Variants in CDK13 observed in about 807,000 individuals in gnomAD.
CDK13 encodes the protein cyclin-dependent kinase 13.
Under a neutral mutation model 137.6 loss-of-function variants are expected in CDK13, and 40 were observed. That is an observed-to-expected ratio of 0.29 (90% CI 0.23 to 0.38). CDK13 has a LOEUF of 0.38. Among genes scored for constraint, CDK13 ranks in the 10% least tolerant of loss-of-function variants. The pLI, the probability that CDK13 is intolerant of heterozygous loss-of-function variation, is 1.00. For synonymous variants in CDK13, 869 were observed against 760.1 expected (o/e 1.14, Z -2.36); for missense variants, 1,704 against 1,951.8 (o/e 0.87, Z 2.39).
At chr7:40,072,430 A>G (rs1437381557) in intron 9 of CDK13, 2 of 152,172 alleles carry the variant, frequency 1.3e-5, no homozygotes, top group Non-Finnish European at 2.9e-5. Context: ...CTCACTTAAC[A>G]AGTACATTCT....
intron 11 of CDK13, among the ~76,000 whole-genome samples, chr7:40,084,275 T>G (rs919993709): frequency 6.6e-6 from 1 of 152,110 alleles, no homozygotes; most frequent in Non-Finnish European, 1.5e-5. Flanking sequence ...GGTCAAGAGA[T>G]TGATACCATC....
chr7:40,056,732 G>A (rs537450691), intron 7 of CDK13, among the ~76,000 whole-genome samples: 1 of 152,222 alleles, frequency 6.6e-6, no homozygotes, highest in African/African-American at 2.4e-5. Flanking sequence ...GGCACAGGTA[G>A]TGGAAAGACA....
At chr7:40,041,889 G>C (rs1481573721) in intron 5 of CDK13, among the ~76,000 whole-genome samples, 1 of 152,144 alleles carries the variant, frequency 6.6e-6, no homozygotes, top group African/African-American at 2.4e-5. Flanking sequence ...CATGCTTACA[G>C]CTAAATCTTT....
At chr7:40,013,415 C>T (rs959690146) in intron 5 of CDK13, among the ~76,000 whole-genome samples, 26 of 152,014 alleles carry the variant, frequency 1.7e-4, no homozygotes, top group African/African-American at 4.4e-4. Flanking sequence ...GTGTGTATTT[C>T]GCCACAATTT....
intron 5 of CDK13, among the ~76,000 whole-genome samples, chr7:40,018,501 C>T (rs1262581804): frequency 6.6e-6 from 1 of 152,014 alleles, no homozygotes; most frequent in African/African-American, 2.4e-5. Context: ...AGATATGGAA[C>T]CAACCTAAGT....
chr7:40,055,412 ATTTG>A (rs1223219977), intron 7 of CDK13, among the ~76,000 whole-genome samples: 1 of 152,098 alleles, frequency 6.6e-6, no homozygotes, highest in East Asian at 1.9e-4. Flanking sequence ...CAAGAATGTA[ATTTG>A]TTTTTTAATC....
At chr7:40,047,631 C>T (rs537565963) in intron 6 of CDK13, among the ~76,000 whole-genome samples, 190 bp from the exon 7 acceptor site, 3 of 151,320 alleles carry the variant, frequency 2.0e-5, no homozygotes, top group Non-Finnish European at 4.4e-5. Flanking sequence ...GGATAGTTTA[C>T]TTTCTTGTTT....
In CDK13 at chr7:40,029,638, A is replaced by C. The variant is rs555449277; in HGVS notation, c.2354-16198A>C. Among the ~76,000 whole-genome samples the C allele has an allele frequency of 5.9e-5, 9 of 151,296 alleles. No homozygotes were observed. In the South Asian group the frequency reaches 1.9e-3, roughly 32 times the overall value. On this transcript the variant is annotated intron_variant, in intron 5 of 13. Coordinates refer to ENST00000181839, the MANE Select transcript of CDK13 (RefSeq NM_003718.5). ...GGGAGGCTGAGAGAGAGAGAGAGAG[A>C]GAGAAAAGATTCTTTTTTTTTTTCT...
intron 5 of CDK13, among the ~76,000 whole-genome samples, chr7:40,033,664 A>T (rs1400733047): frequency 6.6e-6 from 1 of 152,132 alleles, no homozygotes; most frequent in Non-Finnish European, 1.5e-5. Context: ...TTCTTCTTAA[A>T]TAAGGTCTGA....
intron 1 of CDK13, among the ~76,000 whole-genome samples, chr7:39,977,791 C>T (rs1198730802): frequency 6.6e-6 from 1 of 151,918 alleles, no homozygotes; most frequent in Non-Finnish European, 1.5e-5. Context: ...TTGCACTGGG[C>T]CCAGTGTGTG....
intron 9 of CDK13, chr7:40,068,103 A>G (rs888621441): frequency 6.6e-6 from 1 of 151,484 alleles, no homozygotes; most frequent in African/African-American, 2.4e-5. Flanking sequence ...AAAAAAAAAA[A>G]GAAAAATTGT....
At chr7:39,975,168 C>G (rs148980684) in intron 1 of CDK13, among the ~76,000 whole-genome samples, 156 of 152,194 alleles carry the variant, frequency 1.0e-3, no homozygotes, top group African/African-American at 3.5e-3. Context: ...TATCCCAGCA[C>G]TTTGGGAGGC....
At chr7:39,957,966 T>C (rs888365893) in intron 1 of CDK13, among the ~76,000 whole-genome samples, 1 of 152,216 alleles carries the variant, frequency 6.6e-6, no homozygotes, top group Non-Finnish European at 1.5e-5. Context: ...CTTTGTTTTC[T>C]ATAAATTTAT....
At chr7:39,956,860 T>A (rs532682474) in intron 1 of CDK13, among the ~76,000 whole-genome samples, 91 of 152,214 alleles carry the variant, frequency 6.0e-4, no homozygotes, top group Non-Finnish European at 1.0e-3. Flanking sequence ...GTGTTGGGAT[T>A]ACAGGCAAGA....
intron 9 of CDK13, among the ~76,000 whole-genome samples, chr7:40,064,233 G>T (rs374721442): frequency 1.4e-4 from 20 of 147,356 alleles, no homozygotes; most frequent in African/African-American, 4.8e-4. Context: ...GCTGTGAGCC[G>T]AGATTGTGCC....
At chr7:40,044,077 A>G (rs1267787126) in intron 5 of CDK13, among the ~76,000 whole-genome samples, 6 of 151,098 alleles carry the variant, frequency 4.0e-5, no homozygotes, top group Non-Finnish European at 5.9e-5. Context: ...TTGTATTTTT[A>G]GTAGAGATGG....
At chr7:40,044,668 G>A (rs976248120) in intron 5 of CDK13, among the ~76,000 whole-genome samples, 3 of 151,698 alleles carry the variant, frequency 2.0e-5, no homozygotes, top group Admixed American at 1.3e-4. Flanking sequence ...ACGGAGTCTC[G>A]CTCTGTCACC....
intron 5 of CDK13, among the ~76,000 whole-genome samples, chr7:40,040,032 AGTTTTGCTCAT>A (rs1354754209): frequency 7.3e-6 from 1 of 137,872 alleles, no homozygotes; most frequent in Non-Finnish European, 1.5e-5. Flanking sequence ...TTTGAGATTG[AGTTTTGCTCAT>A]GTTGTTCATC....
At chr7:40,034,984 G>A (rs530259849) in intron 5 of CDK13, among the ~76,000 whole-genome samples, 3 of 152,068 alleles carry the variant, frequency 2.0e-5, no homozygotes, top group Non-Finnish European at 4.4e-5. Context: ...AGGCACAATT[G>A]ATAATATTTC....
Sources: gnomAD v4.1 joint callset for allele counts (sites outside exome capture counted in the v4.1 genomes callset) on GRCh38, gnomAD v4.1.1 for gene constraint, MANE v1.5 for transcripts, NCBI Gene and HGNC (gene_info 2026-07-23, HGNC 2026-07-21) for gene names.